ZNF611: variants seen among roughly 807,000 people sequenced by gnomAD.
The protein encoded by ZNF611 is zinc finger protein 611.
In ZNF611, 6 loss-of-function variants were observed where a neutral mutation model predicts 8.9. The ratio of observed to expected loss-of-function variants is 0.68; its 90% CI spans 0.37 to 1.34. The LOEUF (loss-of-function observed/expected upper bound fraction) is 1.34, where lower values mean the gene tolerates loss of function less well. Ranked by LOEUF, ZNF611 falls within the 40% of genes most tolerant of loss-of-function variation. The probability of loss-of-function intolerance (pLI) is 0.02; values close to 1 mark genes in which losing one functional copy is unlikely to be tolerated. For missense variants in ZNF611, 874 were observed against 841.3 expected, an observed-to-expected ratio of 1.04 and a Z score of -0.48; for synonymous variants, 262 against 279.7, an observed-to-expected ratio of 0.94 and a Z score of 0.63.
chr19:52,704,647 G>A lies in ZNF611; in HGVS notation c.*290C>T, dbSNP rs138329058. 2.5e-4 allele frequency: 401 copies of A among 1,587,424 alleles called. No individual in the cohort carries two copies. The African/African-American group carries it at 4.1e-3, about 16-fold the overall frequency. On this transcript the variant is annotated 3_prime_UTR_variant, in exon 6 of 6. Transcript: ENST00000652185. ...ATGGATTCTCCAATGATTTGTAATC[G>A]TTGTAGCATTACTGAAGACTTTGTG...
Position 52,704,218 on chromosome 19 carries a change from T to TG in ZNF611, c.*718dup. Reference sequence around the variant, plus strand: ...ACACAAACTCAAGTCAATGCTGAATTGACTCCAATGTCAATTAATGCTTGA... The same window carrying TG: ...ACACAAACTCAAGTCAATGCTGAATTGGACTCCAATGTCAATTAATGCTTGA... On this transcript the variant is annotated 3_prime_UTR_variant, in exon 6 of 6. Coordinates refer to ENST00000652185, the MANE Select transcript of ZNF611 (RefSeq NM_001161499.2). 1 of 414,788 alleles carries TG rather than the reference T, an allele frequency of 2.4e-6. No individual in the cohort carries two copies. Among genetic ancestry groups the TG allele is most frequent in the Non-Finnish European group, 4.9e-6 (1 of 205,284 alleles). The allele number at this position is 414,788 out of a possible 1,614,324, so 25.7% of individuals were successfully genotyped here. A position where few individuals can be genotyped will look rare whatever the true frequency, so the allele number is the denominator to read the frequency against.
In ZNF611 at chr19:52,705,927, G is replaced by C; in HGVS notation, c.1128C>G (p.Asp376Glu). 2 of 1,614,050 alleles carry C rather than the reference G, an allele frequency of 1.2e-6. No homozygotes were observed. Among genetic ancestry groups the C allele is most frequent in the Non-Finnish European group, 8.5e-7 (1 of 1,180,006 alleles). ...GEKPYKCEEC[D>E]KVFSRKSTIE... The stretch of plus-strand genomic sequence containing the variant: ...TGGTTGATTTCCGACTGAAAACTTT[G>C]TCACATTCTTCACATTTGTAAGGTT... Residue 376 changes from aspartate (D) to glutamate (E), a missense_variant, in exon 6 of 6, where the codon GAC becomes GAG. Coordinates refer to ENST00000652185, the MANE Select transcript of ZNF611 (RefSeq NM_001161499.2).
intron 3 of ZNF611, among the ~76,000 whole-genome samples, chr19:52,722,288 A>C (rs2062364817): frequency 6.6e-6 from 1 of 152,080 alleles, no homozygotes; most frequent in Non-Finnish European, 1.5e-5. Flanking sequence ...AGACTGAGGG[A>C]GGAGGATCAC....
chr19:52,704,840 GA>G lies in ZNF611; in HGVS notation c.*96del, dbSNP rs1165970502. On this transcript the variant is annotated 3_prime_UTR_variant, in exon 6 of 6. Coordinates refer to ENST00000652185, the MANE Select transcript of ZNF611 (RefSeq NM_001161499.2). The stretch of plus-strand genomic sequence containing the variant: ...TGTGAATCACTCCCAAGTCTTGTCA[GA>G]AACCTTACATTTGTAAGCTTTCTCT... The G allele has an allele frequency of 5.0e-6, 8 of 1,606,880 alleles. No individual in the cohort carries two copies. In the African/African-American group the frequency reaches 9.4e-5, roughly 19 times the overall value.
At chr19:52,706,974 T>C in intron 5 of ZNF611, 110 bp from the exon 6 acceptor site, 1 of 1,486,828 alleles carries the variant, frequency 6.7e-7, no homozygotes, top group South Asian at 1.4e-5. Context: ...TTCCCAAACA[T>C]CATCTTCAAA....
chr19:52,710,148 T>A (rs2062270386), intron 5 of ZNF611, among the ~76,000 whole-genome samples: 1 of 151,966 alleles, frequency 6.6e-6, no homozygotes, highest in African/African-American at 2.4e-5. Context: ...GTGGCACGAT[T>A]CTCCTACCTA....
At chr19:52,715,726 A>T in intron 4 of ZNF611, 106 bp downstream of exon 4, 1 of 1,544,824 alleles carries the variant, frequency 6.5e-7, no homozygotes, top group Non-Finnish European at 8.7e-7. Context: ...GTGCGAGTGA[A>T]CGTGTCAGAC....
At chr19:52,710,194 G>A (rs1321890339) in intron 5 of ZNF611, among the ~76,000 whole-genome samples, 3 of 151,844 alleles carry the variant, frequency 2.0e-5, no homozygotes, top group Non-Finnish European at 4.4e-5. Context: ...TGAGTAGCAG[G>A]GAGTACAGAC....
At chr19:52,734,363 G>A (rs2062444048) in intron 1 of ZNF611, among the ~76,000 whole-genome samples, 1 of 151,992 alleles carries the variant, frequency 6.6e-6, no homozygotes, top group Non-Finnish European at 1.5e-5. Flanking sequence ...GGAGTAAGAC[G>A]CCTGCATCCC....
Position 52,705,623 on chromosome 19 carries a change from C to T in ZNF611, c.1432G>A (p.Gly478Arg). Residue 478 changes from glycine (G) to arginine (R), a missense_variant, in exon 6 of 6, where the codon GGA becomes AGA. Gly to Arg is a moderately radical substitution (Grantham distance 125, BLOSUM62 -2). Transcript: ENST00000652185. ...TCATTACACTTGTAAGGTTTTTCTCCACAGTCAATTCTAGTATGTTTTGCC... is the reference window on the plus strand; with the variant it reads ...TCATTACACTTGTAAGGTTTTTCTCTACAGTCAATTCTAGTATGTTTTGCC... Reference protein sequence around the residue: ...QLAKHTRIDCGEKPYKCNECG... With the variant: ...QLAKHTRIDCREKPYKCNECG... 2 of 1,613,864 alleles carry T rather than the reference C, an allele frequency of 1.2e-6. No individual in the cohort carries two copies. The highest frequency in any genetic ancestry group is 1.7e-6 in the Non-Finnish European group (2 of 1,179,902).
In ZNF611 at chr19:52,704,560, A is replaced by G. The variant is rs2062226178; in HGVS notation, c.*377T>C. On this transcript the variant is annotated 3_prime_UTR_variant, in exon 6 of 6. Coordinates refer to ENST00000652185, the MANE Select transcript of ZNF611 (RefSeq NM_001161499.2). Reference sequence around the variant, plus strand: ...AGTATGAGTTCACCGATGACCTGCAATATGTGAACGATCTCTGAAAAATTT... The same window carrying G: ...AGTATGAGTTCACCGATGACCTGCAGTATGTGAACGATCTCTGAAAAATTT... The G allele has an allele frequency of 7.0e-7, 1 of 1,427,674 alleles. No individual in the cohort carries two copies. Among genetic ancestry groups the G allele is most frequent in the Non-Finnish European group, 9.8e-7 (1 of 1,018,450 alleles). 88.4% of individuals were successfully genotyped at this position (1,427,674 alleles called of 1,614,324 possible).
Position 52,706,488 on chromosome 19 carries a change from T to G in ZNF611, c.567A>C (p.Ser189=), listed in dbSNP as rs2062246088. The change falls in exon 6 of 6, where the codon TCA becomes TCC. Residue 189 remains serine (S), a synonymous_variant. Coordinates refer to ENST00000652185, the MANE Select transcript of ZNF611 (RefSeq NM_001161499.2). ...AGGAAATTCTTTGGAATGTTGAAACTGAGGGAGCATCATTAGTAGACTTCT... is the reference window on the plus strand; with the variant it reads ...AGGAAATTCTTTGGAATGTTGAAACGGAGGGAGCATCATTAGTAGACTTCT... ...QLEKSTNDAP[S]VSTFQRISCR... The G allele has an allele frequency of 1.2e-6, 2 of 1,614,062 alleles. No individual in the cohort carries two copies. The highest frequency in any genetic ancestry group is 3.3e-5 in the Admixed American group (2 of 60,000).
At chr19:52,730,184 G>T (rs993996515) in intron 1 of ZNF611, among the ~76,000 whole-genome samples, 179 bp from the exon 2 acceptor site, 18 of 151,982 alleles carry the variant, frequency 1.2e-4, no homozygotes, top group Non-Finnish European at 2.2e-4. Context: ...ACGAGGTCAG[G>T]AGATCGAGAC....
At position 52,706,647 on chromosome 19, in the gene ZNF611, A is replaced by G; in HGVS notation, c.408T>C (p.Thr136=). 6.2e-7 allele frequency: 1 copy of G among 1,613,866 alleles called. No homozygotes were observed. The highest frequency in any genetic ancestry group is 8.5e-7 in the Non-Finnish European group (1 of 1,179,922). Residue 136 remains threonine (T), a synonymous_variant, in exon 6 of 6, where the codon ACT becomes ACC. Transcript: ENST00000652185. ...EAPMTKIKKL[T]GSTDQHDHRH... The stretch of plus-strand genomic sequence containing the variant: ...TGTGATCATGTTGGTCTGTGCTACC[A>G]GTCAACTTTTTTATTTTTGTCATGG...
intron 3 of ZNF611, among the ~76,000 whole-genome samples, chr19:52,727,759 T>C (rs2062401539): frequency 6.6e-6 from 1 of 152,158 alleles, no homozygotes. Context: ...AAGTTGCACC[T>C]GCATTCCGCT....
In ZNF611 at chr19:52,706,694, C is replaced by T. The variant is rs2062247987; in HGVS notation, c.361G>A (p.Glu121Lys). The T allele has an allele frequency of 6.2e-7, 1 of 1,613,956 alleles. No individual in the cohort carries two copies. Among genetic ancestry groups the T allele is most frequent in the South Asian group, 1.1e-5 (1 of 91,066 alleles). The change falls in exon 6 of 6, where the codon GAA (glutamate) becomes AAA (lysine). Residue 121 changes from glutamate to lysine, a missense_variant. By Grantham distance (56) the Glu-to-Lys change is moderately conservative. Coordinates refer to ENST00000652185, the MANE Select transcript of ZNF611 (RefSeq NM_001161499.2). ...ATGGGTGCTTCAAGGCCATTTCTTT[C>T]ATCTTCTTGACACTGAAACTCAATG... ...HDIEFQCQEDERNGLEAPMTK... is the reference protein window; with the variant it reads ...HDIEFQCQEDKRNGLEAPMTK...
intron 1 of ZNF611, among the ~76,000 whole-genome samples, chr19:52,731,486 C>A (rs1435056831): frequency 6.6e-6 from 1 of 152,050 alleles, no homozygotes; most frequent in African/African-American, 2.4e-5. Context: ...ACCTCTGCCT[C>A]CTGAGTAGGT....
intron 4 of ZNF611, among the ~76,000 whole-genome samples, 170 bp from the exon 5 acceptor site, chr19:52,714,311 G>C (rs4405657): frequency 0.9 from 137,005 of 152,132 alleles, 62,245 homozygotes; most frequent in African/African-American, 0.98. Context: ...TTTTATTGTA[G>C]TTTTCCTTGA....
intron 5 of ZNF611, among the ~76,000 whole-genome samples, chr19:52,710,918 TGG>T (rs71794173): frequency 0.75 from 113,471 of 151,670 alleles, 43,712 homozygotes; most frequent in African/African-American, 0.94. Flanking sequence ...CCCAGCTACT[TGG>T]GGGATTATGT....
Sources: allele counts gnomAD v4.1 joint callset (sites outside exome capture counted in the v4.1 genomes callset), GRCh38; gene constraint gnomAD v4.1.1; transcripts MANE v1.5; gene names NCBI Gene and HGNC (gene_info 2026-07-23, HGNC 2026-07-21).